Variants in SRFBP1 observed in about 807,000 individuals in gnomAD.
SRFBP1 encodes the protein serum response factor-binding protein 1.
A neutral mutation model predicts 45.5 loss-of-function variants in SRFBP1; 47 were observed. That is an observed-to-expected ratio of 1.03 (90% confidence interval 0.82 to 1.32). SRFBP1 has a LOEUF of 1.32. Among genes scored for constraint, SRFBP1 ranks in the 40% most tolerant of loss-of-function variants. The pLI, the probability that SRFBP1 is intolerant of heterozygous loss-of-function variation, is 0.00. For synonymous variants in SRFBP1, 203 were observed against 166.3 expected, an observed-to-expected ratio of 1.22 and a Z score of -1.70; for missense variants, 621 against 484.6, an observed-to-expected ratio of 1.28 and a Z score of -2.64.
chr5:122,039,737 A>G (rs1318329827), intron 2 of SRFBP1, among the ~76,000 whole-genome samples: 2 of 152,166 alleles, frequency 1.3e-5, no homozygotes, highest in African/African-American at 4.8e-5. Context: ...TTACACAAGC[A>G]AAAAATGAAT....
At position 122,022,412 on chromosome 5, in the gene SRFBP1, G is replaced by A. The variant is rs758898978; in HGVS notation, c.1105+5G>A. 1.9e-6 allele frequency: 3 copies of A among 1,607,906 alleles called. No homozygotes were observed. The highest frequency in any genetic ancestry group is 2.2e-5 in the East Asian group (1 of 44,626). ...CTCCAAAAACAAGATCCCTAGGTAT[G>A]TATTCATAGTTGCCTGACCTTCATA... On this transcript the variant is annotated splice_donor_5th_base_variant and intron_variant, in intron 7 of 7. Transcript: ENST00000339397.
chr5:122,055,759 G>A (rs577928568), intron 2 of SRFBP1, among the ~76,000 whole-genome samples: 9 of 152,198 alleles, frequency 5.9e-5, no homozygotes, highest in South Asian at 2.1e-4. Flanking sequence ...ATTTAATGGC[G>A]ACATGTTGGA....
chr5:122,046,031 C>T (rs1753850531), intron 2 of SRFBP1, among the ~76,000 whole-genome samples: 1 of 151,948 alleles, frequency 6.6e-6, no homozygotes, highest in Non-Finnish European at 1.5e-5. Context: ...TATGATCCTT[C>T]AATGCCTAGT....
At chr5:122,040,869 A>G (rs1050648119) in intron 2 of SRFBP1, among the ~76,000 whole-genome samples, 3 of 152,126 alleles carry the variant, frequency 2.0e-5, no homozygotes, top group Non-Finnish European at 4.4e-5. Context: ...GTTAGAGAGA[A>G]CTTCTCTGAC....
intron 1 of SRFBP1, among the ~76,000 whole-genome samples, chr5:121,962,950 A>G (rs575480963): frequency 2.0e-5 from 3 of 152,348 alleles, no homozygotes; most frequent in African/African-American, 7.2e-5. Flanking sequence ...GAGCTAAGCA[A>G]CACTCACCTG....
intron 7 of SRFBP1, among the ~76,000 whole-genome samples, chr5:122,023,918 A>C (rs1161902984): frequency 6.6e-6 from 1 of 151,954 alleles, no homozygotes. Context: ...GTTTTGTTTT[A>C]TTTTTCCCAC....
intron 2 of SRFBP1, among the ~76,000 whole-genome samples, chr5:122,046,897 G>C (rs1213012069): frequency 1.3e-5 from 2 of 152,008 alleles, no homozygotes; most frequent in African/African-American, 4.8e-5. Flanking sequence ...GGGGCTGTTT[G>C]TTTTTTTCTT....
intron 2 of SRFBP1, among the ~76,000 whole-genome samples, chr5:122,057,781 C>A (rs576099647): frequency 3.3e-4 from 50 of 152,216 alleles, no homozygotes; most frequent in African/African-American, 1.2e-3. Flanking sequence ...AGGACTCAAG[C>A]AATCCTCCCA....
chr5:122,052,819 T>C (rs1165457974), intron 2 of SRFBP1, among the ~76,000 whole-genome samples: 2 of 152,210 alleles, frequency 1.3e-5, no homozygotes. Flanking sequence ...GGAAAGAGGC[T>C]TTTTGAGTGC....
chr5:121,974,225 A>G lies in SRFBP1; in HGVS notation c.66A>G (p.Arg22=), dbSNP rs754345919. 1 of 1,611,488 alleles carries G rather than the reference A, an allele frequency of 6.2e-7. No individual in the cohort carries two copies. Among genetic ancestry groups the G allele is most frequent in the Admixed American group, 1.7e-5 (1 of 59,848 alleles). ...TGAAGATGAGAAAAGAAGTGAAGAG[A>G]ATTCGAGTTTTAGTTATCCGAAAAC... The part of the protein sequence containing the change: ...EVVKMRKEVK[R]IRVLVIRKLV... Residue 22 remains arginine (R), a synonymous_variant, in exon 2 of 8, where the codon AGA becomes AGG. Coordinates refer to ENST00000339397, the MANE Select transcript of SRFBP1 (RefSeq NM_152546.3).
chr5:121,975,696 A>T (rs540518058), intron 3 of SRFBP1, among the ~76,000 whole-genome samples: 18 of 151,972 alleles, frequency 1.2e-4, no homozygotes, highest in Non-Finnish European at 2.2e-4. Flanking sequence ...CTTTAGCACG[A>T]AGTCAGTTCA....
downstream of SRFBP1, among the ~76,000 whole-genome samples, chr5:122,031,128 G>A (rs893030875): frequency 6.6e-6 from 1 of 152,018 alleles, no homozygotes; most frequent in South Asian, 2.1e-4. Flanking sequence ...TTGATTCCAG[G>A]CATTTAAGGA....
chr5:122,040,185 T>C (rs1461923092), intron 2 of SRFBP1, among the ~76,000 whole-genome samples: 1 of 152,166 alleles, frequency 6.6e-6, no homozygotes, highest in Non-Finnish European at 1.5e-5. Flanking sequence ...ACCTGGGAAG[T>C]ATTTGTATTT....
At chr5:122,040,607 A>G (rs1753758768) in intron 2 of SRFBP1, among the ~76,000 whole-genome samples, 2 of 152,282 alleles carry the variant, frequency 1.3e-5, no homozygotes, top group Middle Eastern at 3.4e-3. Flanking sequence ...CACAGCCTTC[A>G]CATACACCAA....
In SRFBP1 at chr5:122,020,528, A is replaced by G. The variant is rs200937131; in HGVS notation, c.793A>G (p.Thr265Ala). 4.8e-4 allele frequency: 779 copies of G among 1,614,074 alleles called. 5 individuals carry two copies. Among genetic ancestry groups the G allele is most frequent in the Non-Finnish European group, 1.1e-4 (131 of 1,180,018 alleles). Reference protein sequence around the residue: ...EEEKEYFDDSTEERFYKQSSM... With the variant: ...EEEKEYFDDSAEERFYKQSSM... ...GGAGAAGGAATATTTTGATGATAGC[A>G]CAGAAGAAAGGTTTTACAAGCAGTC... The change falls in exon 6 of 8, where the codon ACA (threonine) becomes GCA (alanine). Residue 265 changes from threonine to alanine, a missense_variant. By Grantham distance (58) the Thr-to-Ala change is moderately conservative (BLOSUM62 0). Transcript: ENST00000339397.
chr5:122,012,860 A>G (rs1708253489), intron 4 of SRFBP1, among the ~76,000 whole-genome samples: 2 of 152,088 alleles, frequency 1.3e-5, no homozygotes, highest in African/African-American at 4.8e-5. Context: ...ATAGGAAGTA[A>G]TTGGTAATAT....
At chr5:122,036,323 A>G (rs1753691824) in intron 2 of SRFBP1, among the ~76,000 whole-genome samples, 2 of 152,250 alleles carry the variant, frequency 1.3e-5, no homozygotes, top group South Asian at 4.2e-4. Flanking sequence ...ATTTATATCT[A>G]TGTGACTGAC....
Position 122,027,304 on chromosome 5 carries a change from G to C in SRFBP1, c.*178G>C. On this transcript the variant is annotated 3_prime_UTR_variant, in exon 8 of 8. Transcript: ENST00000339397. ...GCCTCCCAAAGGGCTGGGACTGCAG[G>C]TGCATGCACTACCATGCCCAGCTTT... 2.1e-6 allele frequency: 1 copy of C among 484,882 alleles called. No homozygotes were observed. 30.0% of individuals were successfully genotyped at this position (484,882 alleles called of 1,614,324 possible). A position where few individuals can be genotyped will look rare whatever the true frequency, so the allele number is the denominator to read the frequency against.
chr5:122,009,925 ATC>A (rs1232202403), intron 4 of SRFBP1, among the ~76,000 whole-genome samples: 2 of 151,972 alleles, frequency 1.3e-5, no homozygotes, highest in African/African-American at 2.4e-5. Flanking sequence ...TCCCATCCTG[ATC>A]TGTTCAGCTT....
Sources: allele counts gnomAD v4.1 joint callset (sites outside exome capture counted in the v4.1 genomes callset), GRCh38; gene constraint gnomAD v4.1.1; transcripts MANE v1.5; gene names NCBI Gene and HGNC (gene_info 2026-07-23, HGNC 2026-07-21).